MACROD2: variants seen among roughly 807,000 people sequenced by gnomAD.
MACROD2 encodes mono-ADP ribosylhydrolase 2, also known as ADP-ribose glycohydrolase MACROD2.
A neutral mutation model predicts 70.4 loss-of-function variants in MACROD2; 36 were observed. The observed-to-expected ratio is 0.51, with a 90% CI of 0.39 to 0.68. The LOEUF is 0.68. Among genes scored for constraint, MACROD2 ranks in the 30% least tolerant of loss-of-function variants. The pLI, the probability that MACROD2 is intolerant of heterozygous loss-of-function variation, is 0.00. For missense variants in MACROD2, 496 were observed against 538.4 expected, an observed-to-expected ratio of 0.92 and a Z score of 0.78; for synonymous variants, 172 against 178.8, an observed-to-expected ratio of 0.96 and a Z score of 0.30.
At chr20:13,999,197 T>A (rs2052700958) in intron 1 of MACROD2, among the ~76,000 whole-genome samples, 1 of 152,210 alleles carries the variant, frequency 6.6e-6, no homozygotes, top group Non-Finnish European at 1.5e-5. Flanking sequence ...TTTAATTTCT[T>A]GGTGTCTTCA....
intron 8 of MACROD2, among the ~76,000 whole-genome samples, chr20:15,792,733 G>A (rs559648162): frequency 7.2e-5 from 11 of 152,124 alleles, no homozygotes; most frequent in South Asian, 4.1e-4. Flanking sequence ...AAATTGGCTC[G>A]ACCTCTTTGT....
intron 2 of MACROD2, among the ~76,000 whole-genome samples, chr20:14,061,085 A>C (rs185869071): frequency 3.9e-5 from 6 of 152,258 alleles, no homozygotes; most frequent in Non-Finnish European, 5.9e-5. Context: ...ATGTATATAC[A>C]CCATAGAAGT....
At chr20:15,090,483 A>C (rs1251547943) in intron 5 of MACROD2, among the ~76,000 whole-genome samples, 1 of 152,116 alleles carries the variant, frequency 6.6e-6, no homozygotes, top group Non-Finnish European at 1.5e-5. Flanking sequence ...GTACACTACA[A>C]ATCTAATTTC....
rs150875739 is a variant in MACROD2 at position 14,480,940 on chromosome 20, C to G, written c.272-12539C>G. Among the ~76,000 whole-genome samples the G allele has an allele frequency of 6.2e-3, 943 of 152,106 alleles. 18 individuals carry two copies. Among genetic ancestry groups the G allele is most frequent in the African/African-American group, 0.021 (886 of 41,496 alleles). ...TTTACTATATATTAATAGAAGCCAA[C>G]TACAATTTGAAATTAAATAATTAGA... On this transcript the variant is annotated intron_variant, in intron 3 of 17. Coordinates refer to ENST00000684519, the MANE Select transcript of MACROD2 (RefSeq NM_001351661.2).
intron 8 of MACROD2, among the ~76,000 whole-genome samples, chr20:15,796,344 C>T (rs563388878): frequency 6.6e-6 from 1 of 152,322 alleles, no homozygotes; most frequent in African/African-American, 2.4e-5. Context: ...TCATTGAGCT[C>T]TCTAATTTTA....
chr20:14,773,714 T>A (rs1485349745), intron 5 of MACROD2, among the ~76,000 whole-genome samples: 1 of 152,096 alleles, frequency 6.6e-6, no homozygotes, highest in Non-Finnish European at 1.5e-5. Flanking sequence ...TAATATATAG[T>A]TGACTTCATT....
chr20:13,997,096 A>C (rs6033866), intron 1 of MACROD2, among the ~76,000 whole-genome samples: 3 of 152,098 alleles, frequency 2.0e-5, no homozygotes, highest in African/African-American at 7.2e-5. Context: ...TTTTTTTTCA[A>C]ATTTACTGCA....
chr20:14,561,984 ATT>A (rs11477523), intron 4 of MACROD2, among the ~76,000 whole-genome samples: 1 of 151,420 alleles, frequency 6.6e-6, no homozygotes, highest in Non-Finnish European at 1.5e-5. Context: ...TAATCTTTTT[ATT>A]TTTTTTAACT....
At chr20:15,269,688 C>T (rs1426555640) in intron 6 of MACROD2, among the ~76,000 whole-genome samples, 1 of 152,044 alleles carries the variant, frequency 6.6e-6, no homozygotes, top group Non-Finnish European at 1.5e-5. Flanking sequence ...TTACTGAGGA[C>T]CTTTATGTGA....
At chr20:14,740,347 C>T (rs1254551997) in intron 5 of MACROD2, among the ~76,000 whole-genome samples, 1 of 152,070 alleles carries the variant, frequency 6.6e-6, no homozygotes, top group African/African-American at 2.4e-5. Flanking sequence ...CTGTCTGTCT[C>T]CAATGCTATT....
At chr20:15,379,083 A>G (rs1381500997) in intron 6 of MACROD2, among the ~76,000 whole-genome samples, 2 of 152,238 alleles carry the variant, frequency 1.3e-5, no homozygotes, top group East Asian at 3.8e-4. Context: ...ATGACTATAT[A>G]TAAATGTATT....
intron 5 of MACROD2, among the ~76,000 whole-genome samples, chr20:14,933,642 A>AT (rs935425002): frequency 6.6e-6 from 1 of 151,952 alleles, no homozygotes; most frequent in Non-Finnish European, 1.5e-5. Context: ...AAAAATAAAA[A>AT]AAAAAAGTAA....
At chr20:14,577,993 A>G (rs1314738874) in intron 4 of MACROD2, among the ~76,000 whole-genome samples, 2 of 152,126 alleles carry the variant, frequency 1.3e-5, no homozygotes, top group Non-Finnish European at 2.9e-5. Flanking sequence ...AGCTTCTTAT[A>G]GAGCTAGATC....
At position 15,213,009 on chromosome 20, in the gene MACROD2, T is replaced by A. The variant is rs1470528265; in HGVS notation, c.419-16931T>A. Among the ~76,000 whole-genome samples, 12 of 152,322 alleles carry A rather than the reference T, an allele frequency of 7.9e-5. No individual in the cohort carries two copies. In the East Asian group the frequency reaches 2.3e-3, roughly 29 times the overall value. ...AAGTTTGAAAACTACTGACCAAGACTTTTAAGGAGGTGCAAAAAGAAAAGG... is the reference window on the plus strand; with the variant it reads ...AAGTTTGAAAACTACTGACCAAGACATTTAAGGAGGTGCAAAAAGAAAAGG... On this transcript the variant is annotated intron_variant, in intron 5 of 17. Transcript: ENST00000684519.
intron 5 of MACROD2, among the ~76,000 whole-genome samples, chr20:15,011,555 C>T (rs1178351521): frequency 6.6e-6 from 1 of 152,080 alleles, no homozygotes; most frequent in African/African-American, 2.4e-5. Context: ...GCCACTTTTC[C>T]TGGCCATGGT....
intron 5 of MACROD2, among the ~76,000 whole-genome samples, chr20:14,890,260 T>C (rs2073737609): frequency 1.3e-5 from 2 of 152,038 alleles, no homozygotes; most frequent in Admixed American, 6.6e-5. Context: ...GTCATGAGGA[T>C]AGATGCAAAC....
rs573635189 is a variant in MACROD2 at position 15,936,457 on chromosome 20, T to A, written c.839-1019T>A. ...TATATATGTATATGTATACTATATA[T>A]ACTCTATAATTTATATATAGTATAT... On this transcript the variant is annotated intron_variant, in intron 11 of 17. Coordinates refer to ENST00000684519, the MANE Select transcript of MACROD2 (RefSeq NM_001351661.2). Among the ~76,000 whole-genome samples the A allele has an allele frequency of 1.3e-4, 19 of 148,200 alleles. No homozygotes were observed. In the South Asian group the frequency reaches 4.0e-3, roughly 31 times the overall value.
chr20:15,121,250 G>C (rs6043102), intron 5 of MACROD2, among the ~76,000 whole-genome samples: 1 of 151,992 alleles, frequency 6.6e-6, no homozygotes, highest in Non-Finnish European at 1.5e-5. Flanking sequence ...AGTGGCTCAC[G>C]CCTGTAATCC....
chr20:14,186,155 A>G (rs1165888730), intron 3 of MACROD2, among the ~76,000 whole-genome samples: 2 of 152,204 alleles, frequency 1.3e-5, no homozygotes, highest in Non-Finnish European at 2.9e-5. Flanking sequence ...TATAATACAC[A>G]TATACCTAGG....
Sources: allele counts gnomAD v4.1 joint callset (sites outside exome capture counted in the v4.1 genomes callset), GRCh38; gene constraint gnomAD v4.1.1; transcripts MANE v1.5; gene names NCBI Gene and HGNC (gene_info 2026-07-23, HGNC 2026-07-21).